The following SSBP2 variants were observed in gnomAD, a reference collection of about 807,000 sequenced individuals.
The protein encoded by SSBP2 is single stranded DNA binding protein 2, also known as single-stranded DNA-binding protein 2.
A neutral mutation model predicts 61.8 loss-of-function variants in SSBP2; 17 were observed. The observed-to-expected ratio is 0.28, with a 90% CI of 0.19 to 0.41. SSBP2 has a LOEUF of 0.41. SSBP2 is among the 10% of genes least tolerant of loss of function. The pLI, the probability that SSBP2 is intolerant of heterozygous loss-of-function variation, is 1.00. For missense variants in SSBP2, 310 were observed against 458.7 expected (o/e 0.68, Z 2.96); for synonymous variants, 139 against 141.3 (o/e 0.98, Z 0.12).
At chr5:81,719,554 A>C (rs1404506225) in intron 1 of SSBP2, among the ~76,000 whole-genome samples, 2 of 152,088 alleles carry the variant, frequency 1.3e-5, no homozygotes, top group African/African-American at 4.8e-5. Flanking sequence ...ACTCCAGAAG[A>C]AGGCTGGCTC....
At chr5:81,563,395 C>G (rs1044984691) in intron 4 of SSBP2, among the ~76,000 whole-genome samples, 1 of 152,032 alleles carries the variant, frequency 6.6e-6, no homozygotes, top group Non-Finnish European at 1.5e-5. Context: ...AAAAAAAATT[C>G]TAAAGGTTCT....
At chr5:81,450,178 C>T (rs1763675790) in intron 10 of SSBP2, among the ~76,000 whole-genome samples, 1 of 152,100 alleles carries the variant, frequency 6.6e-6, no homozygotes, top group Non-Finnish European at 1.5e-5. Flanking sequence ...CTAAGGTGTG[C>T]TCCACTGGCT....
intron 5 of SSBP2, among the ~76,000 whole-genome samples, chr5:81,504,920 A>G (rs547465255): frequency 6.6e-6 from 1 of 152,320 alleles, no homozygotes; most frequent in South Asian, 2.1e-4. Context: ...AAACAACAAA[A>G]CCATAACTAA....
intron 2 of SSBP2, among the ~76,000 whole-genome samples, chr5:81,649,824 A>G (rs2153708800): frequency 6.6e-6 from 1 of 152,194 alleles, no homozygotes; most frequent in Non-Finnish European, 1.5e-5. Context: ...GAAGAGAAAG[A>G]GAAGAACTTG....
At chr5:81,539,594 T>C (rs1039360478) in intron 4 of SSBP2, among the ~76,000 whole-genome samples, 16 of 152,066 alleles carry the variant, frequency 1.1e-4, no homozygotes, top group South Asian at 6.2e-4. Flanking sequence ...AACTTCATTG[T>C]TGTCTTATTT....
intron 12 of SSBP2, among the ~76,000 whole-genome samples, chr5:81,445,138 T>TTTTATATATATA (rs1554065521): frequency 5.9e-5 from 2 of 33,896 alleles, no homozygotes; most frequent in Admixed American, 5.3e-4. Flanking sequence ...AAAAAAAATT[T>TTTTATATATATA]TATATATATA....
intron 4 of SSBP2, chr5:81,615,264 G>C (rs1176867756): frequency 7.5e-6 from 4 of 534,716 alleles, no homozygotes; most frequent in Non-Finnish European, 1.3e-5. Context: ...CTTAGAATTA[G>C]GCCTACGCTT....
chr5:81,682,646 G>T (rs993161489), intron 1 of SSBP2, among the ~76,000 whole-genome samples: 6 of 152,000 alleles, frequency 3.9e-5, no homozygotes, highest in African/African-American at 1.4e-4. Flanking sequence ...CTGCTTTTTG[G>T]CATTGTACTG....
At chr5:81,657,965 G>A (rs970392133) in intron 1 of SSBP2, among the ~76,000 whole-genome samples, 1 of 151,998 alleles carries the variant, frequency 6.6e-6, no homozygotes, top group African/African-American at 2.4e-5. Flanking sequence ...TATACAACAT[G>A]ATGTCTTGAT....
intron 1 of SSBP2, among the ~76,000 whole-genome samples, chr5:81,741,970 T>G (rs1333894646): frequency 6.6e-6 from 1 of 152,180 alleles, no homozygotes; most frequent in African/African-American, 2.4e-5. Context: ...AAGAGGCAGC[T>G]GTAGCATAAT....
At chr5:81,437,382 G>A (rs1762738452) in intron 15 of SSBP2, 48 bp downstream of exon 15, 3 of 1,552,016 alleles carry the variant, frequency 1.9e-6, no homozygotes, top group Non-Finnish European at 2.6e-6. Context: ...TGAGTTCCAT[G>A]TTAAATAAAA....
intron 5 of SSBP2, among the ~76,000 whole-genome samples, chr5:81,498,858 G>C (rs1449364812): frequency 6.6e-6 from 1 of 151,902 alleles, no homozygotes; most frequent in African/African-American, 2.4e-5. Context: ...CCTTATTTCA[G>C]CCATCTTTAA....
At chr5:81,602,073 T>C (rs1203833325) in intron 4 of SSBP2, among the ~76,000 whole-genome samples, 1 of 152,114 alleles carries the variant, frequency 6.6e-6, no homozygotes, top group East Asian at 1.9e-4. Context: ...TCAGTGAAAG[T>C]ACCTCTCTGT....
intron 4 of SSBP2, among the ~76,000 whole-genome samples, chr5:81,528,702 T>C (rs1770150303): frequency 6.6e-6 from 1 of 152,062 alleles, no homozygotes; most frequent in Non-Finnish European, 1.5e-5. Flanking sequence ...TGATGAGTAC[T>C]TAACTAGATA....
Position 81,414,735 on chromosome 5 carries a change from C to A in SSBP2, c.*5769G>T, listed in dbSNP as rs570099438. 1 of 152,212 alleles carries A rather than the reference C, an allele frequency of 6.6e-6. No homozygotes were observed. The highest frequency in any genetic ancestry group is 1.5e-5 in the Non-Finnish European group (1 of 68,034). 9.4% of individuals were successfully genotyped at this position (152,212 alleles called of 1,614,324 possible). A position where few individuals can be genotyped will look rare whatever the true frequency, so the allele number is the denominator to read the frequency against. ...AGCTAACATGGGTGTGCTAAACCTA[C>A]GCACAGGAGACTCCATCTGCGTATG... is the stretch of plus-strand genomic sequence containing the variant. On this transcript the variant is annotated 3_prime_UTR_variant, in exon 17 of 17. Transcript: ENST00000320672.
chr5:81,635,219 C>CAA (rs566779886), intron 3 of SSBP2, among the ~76,000 whole-genome samples: 3 of 133,984 alleles, frequency 2.2e-5, no homozygotes, highest in South Asian at 4.7e-4. Context: ...TTCTTCGAGG[C>CAA]AAAAAAAAAA....
At chr5:81,425,910 A>G (rs1761923659) in intron 16 of SSBP2, among the ~76,000 whole-genome samples, 1 of 152,210 alleles carries the variant, frequency 6.6e-6, no homozygotes, top group Non-Finnish European at 1.5e-5. Flanking sequence ...CTCAATAGAT[A>G]CTTGCTCCCT....
chr5:81,698,663 T>C (rs1433966341), intron 1 of SSBP2, among the ~76,000 whole-genome samples: 1 of 151,958 alleles, frequency 6.6e-6, no homozygotes, highest in African/African-American at 2.4e-5. Flanking sequence ...AATACAAAAA[T>C]TAACTGTGGT....
At chr5:81,695,787 A>G (rs1268730510) in intron 1 of SSBP2, among the ~76,000 whole-genome samples, 2 of 152,030 alleles carry the variant, frequency 1.3e-5, no homozygotes, top group Admixed American at 6.6e-5. Flanking sequence ...ATGAGGTTTA[A>G]TTAGTGGATT....
Sources: gnomAD v4.1 joint callset for allele counts (sites outside exome capture counted in the v4.1 genomes callset) on GRCh38, gnomAD v4.1.1 for gene constraint, MANE v1.5 for transcripts, NCBI Gene and HGNC (gene_info 2026-07-23, HGNC 2026-07-21) for gene names.